CNIH3: variants seen among roughly 807,000 people sequenced by gnomAD.
The protein encoded by CNIH3 is protein cornichon homolog 3.
A neutral mutation model predicts 24.1 loss-of-function variants in CNIH3; 14 were observed. The ratio of observed to expected loss-of-function variants is 0.58; its 90% CI spans 0.38 to 0.91. The LOEUF is 0.91. Among genes scored for constraint, CNIH3 ranks in the 40% least tolerant of loss-of-function variants. CNIH3 has a pLI of 0.00. For missense variants in CNIH3, 178 were observed against 196.8 expected (o/e 0.90, Z 0.57); for synonymous variants, 68 against 73.8 (o/e 0.92, Z 0.40).
At chr1:224,575,798 T>C (rs554002109) in intron 4 of CNIH3, among the ~76,000 whole-genome samples, 2 of 152,244 alleles carry the variant, frequency 1.3e-5, no homozygotes, top group South Asian at 4.1e-4. Context: ...TCTATAAATA[T>C]GTAGCAAAGT....
At chr1:224,603,725 G>A (rs561464316) in intron 3 of CNIH3, among the ~76,000 whole-genome samples, 1 of 152,266 alleles carries the variant, frequency 6.6e-6, no homozygotes, top group South Asian at 2.1e-4. Context: ...GAAATAAAAA[G>A]CATTGTGTTA....
chr1:224,659,507 C>G (rs199773364), intron 1 of CNIH3, among the ~76,000 whole-genome samples: 1 of 116,482 alleles, frequency 8.6e-6, no homozygotes, highest in Non-Finnish European at 1.9e-5. Context: ...TTTAGATAAC[C>G]TGAAAGCCAA....
intron 1 of CNIH3, among the ~76,000 whole-genome samples, chr1:224,479,307 C>T (rs1241272943): frequency 6.6e-6 from 1 of 152,074 alleles, no homozygotes; most frequent in Non-Finnish European, 1.5e-5. Context: ...GCATGCGTCA[C>T]CACGCCCGGC....
intron 1 of CNIH3, among the ~76,000 whole-genome samples, chr1:224,640,492 T>C (rs1684304010): frequency 6.6e-6 from 1 of 152,240 alleles, no homozygotes; most frequent in Admixed American, 6.5e-5. Flanking sequence ...AGAAGGCACA[T>C]GCGATCTTAG....
intron 1 of CNIH3, among the ~76,000 whole-genome samples, chr1:224,653,830 A>G (rs1004570615): frequency 1.3e-5 from 2 of 152,240 alleles, no homozygotes; most frequent in Admixed American, 6.5e-5. Context: ...CTGTAATCCC[A>G]GCACTTCGGT....
chr1:224,491,900 A>C (rs1677250817), intron 1 of CNIH3, among the ~76,000 whole-genome samples: 1 of 152,106 alleles, frequency 6.6e-6, no homozygotes, highest in South Asian at 2.1e-4. Context: ...GAGCCACTGC[A>C]CCTGGCCCAT....
intron 1 of CNIH3, among the ~76,000 whole-genome samples, chr1:224,679,858 C>T (rs776156065): frequency 6.6e-6 from 1 of 152,196 alleles, no homozygotes; most frequent in Non-Finnish European, 1.5e-5. Context: ...TCAGGGACCC[C>T]TGGGATGTGC....
At chr1:224,443,092 C>G (rs950321252) in intron 1 of CNIH3, among the ~76,000 whole-genome samples, 2 of 152,136 alleles carry the variant, frequency 1.3e-5, no homozygotes, top group Admixed American at 1.3e-4. Context: ...CCAAGAAATC[C>G]TTGTTGAAAC....
At chr1:224,664,752 A>C (rs1387742283) in intron 1 of CNIH3, 1 of 152,060 alleles carries the variant, frequency 6.6e-6, no homozygotes, top group African/African-American at 2.4e-5. Flanking sequence ...ATTTTGTTTT[A>C]GGGACAAGGT....
At chr1:224,631,192 G>T (rs1393459530) in intron 1 of CNIH3, among the ~76,000 whole-genome samples, 2 of 152,050 alleles carry the variant, frequency 1.3e-5, no homozygotes, top group East Asian at 3.9e-4. Context: ...AAAACCAAAG[G>T]TGCATGCTCA....
intron 1 of CNIH3, among the ~76,000 whole-genome samples, chr1:224,626,995 T>C (rs1277577454): frequency 6.6e-6 from 1 of 152,148 alleles, no homozygotes; most frequent in Non-Finnish European, 1.5e-5. Flanking sequence ...AAACCTGTGT[T>C]CTTACACACT....
intron 3 of CNIH3, among the ~76,000 whole-genome samples, chr1:224,708,642 G>T (rs1057065546): frequency 5.9e-5 from 9 of 152,276 alleles, no homozygotes; most frequent in African/African-American, 1.7e-4. Context: ...TGTTTGTCCT[G>T]TTCCCCTTTG....
At chr1:224,566,566 T>C (rs900920805) in intron 4 of CNIH3, among the ~76,000 whole-genome samples, 18 of 152,120 alleles carry the variant, frequency 1.2e-4, no homozygotes, top group African/African-American at 4.1e-4. Flanking sequence ...TTCCCTTCCC[T>C]GTGTCTATGC....
chr1:224,651,189 G>C (rs576018837), intron 1 of CNIH3, among the ~76,000 whole-genome samples: 1 of 152,244 alleles, frequency 6.6e-6, no homozygotes, highest in South Asian at 2.1e-4. Context: ...AGTGACCATA[G>C]AGTTAGAAAA....
intron 1 of CNIH3, among the ~76,000 whole-genome samples, chr1:224,445,499 C>G (rs1675119100): frequency 6.9e-6 from 1 of 145,642 alleles, no homozygotes; most frequent in African/African-American, 2.6e-5. Context: ...TTGCTTGAAC[C>G]TGGGAGGTGG....
intron 1 of CNIH3, among the ~76,000 whole-genome samples, chr1:224,519,493 C>T (rs1678536297): frequency 1.3e-5 from 2 of 152,020 alleles, no homozygotes; most frequent in South Asian, 4.1e-4. Context: ...CTCAAAATTT[C>T]TCTTTCTCTG....
chr1:224,521,587 A>T (rs1387121200), intron 2 of CNIH3: 2 of 152,148 alleles, frequency 1.3e-5, no homozygotes, highest in Non-Finnish European at 2.9e-5. Context: ...TGGGAAAGAC[A>T]AGTTCTCCCT....
In CNIH3 at chr1:224,739,762, A is replaced by G. The variant is rs1689781106; in HGVS notation, c.*406A>G. On this transcript the variant is annotated 3_prime_UTR_variant, in exon 6 of 6. Coordinates refer to ENST00000272133, the MANE Select transcript of CNIH3 (RefSeq NM_152495.2). ...AAGGCCACAAGGTGCTTGCTAAGGA[A>G]CAGAATGACCCAGAGTCAAGGCCAA... The G allele has an allele frequency of 4.7e-6, 1 of 211,794 alleles. No individual in the cohort carries two copies. The highest frequency in any genetic ancestry group is 1.1e-4 in the South Asian group (1 of 8,854). 13.1% of individuals were successfully genotyped at this position (211,794 alleles called of 1,614,324 possible).
At chr1:224,452,763 C>G (rs1311981822) in intron 1 of CNIH3, among the ~76,000 whole-genome samples, 1 of 110,670 alleles carries the variant, frequency 9.0e-6, no homozygotes, top group African/African-American at 3.6e-5. Flanking sequence ...GCCTGGGCAA[C>G]AGAGCGAAAC....
Sources: gnomAD v4.1 joint callset for allele counts (sites outside exome capture counted in the v4.1 genomes callset) on GRCh38, gnomAD v4.1.1 for gene constraint, MANE v1.5 for transcripts, NCBI Gene and HGNC (gene_info 2026-07-23, HGNC 2026-07-21) for gene names.